PLEKHM2: variants seen among roughly 807,000 people sequenced by gnomAD.
PLEKHM2 encodes pleckstrin homology domain-containing family M member 2.
PLEKHM2 carries 77 observed loss-of-function variants against 116.3 expected under a neutral mutation model. The ratio of observed to expected loss-of-function variants is 0.66; its 90% CI spans 0.55 to 0.80. The LOEUF (loss-of-function observed/expected upper bound fraction) is 0.80, where lower values mean the gene tolerates loss of function less well. Among genes scored for constraint, PLEKHM2 ranks in the 30% least tolerant of loss-of-function variants. PLEKHM2 has a pLI of 0.00. For missense variants in PLEKHM2, 1,183 were observed against 1,354.9 expected (o/e 0.87, Z 1.99); for synonymous variants, 562 against 571.0 (o/e 0.98, Z 0.22).
At chr1:15,731,148 G>A (rs767033705) in intron 15 of PLEKHM2, 44 bp from the exon 16 acceptor site, 2 of 1,478,062 alleles carry the variant, frequency 1.4e-6, no homozygotes, top group South Asian at 1.2e-5. Flanking sequence ...CCTGGCCCCA[G>A]TTCCTGGGAC....
chr1:15,686,772 C>T (rs1640780218), intron 1 of PLEKHM2, among the ~76,000 whole-genome samples: 1 of 151,916 alleles, frequency 6.6e-6, no homozygotes. Context: ...CCTCAGCCTC[C>T]CAAGTAGCTG....
At chr1:15,699,017 T>C (rs1641058088) in intron 1 of PLEKHM2, among the ~76,000 whole-genome samples, 1 of 151,858 alleles carries the variant, frequency 6.6e-6, no homozygotes, top group South Asian at 2.1e-4. Context: ...GAACCTCAGG[T>C]GAAGGATTTT....
rs749482191 is a variant in PLEKHM2 at position 15,727,220 on chromosome 1, C to T, written c.1148C>T (p.Thr383Met). The T allele has an allele frequency of 1.4e-5, 22 of 1,605,792 alleles. No homozygotes were observed. The highest frequency in any genetic ancestry group is 7.8e-5 in the South Asian group (7 of 89,614). Residue 383 changes from threonine (T) to methionine (M), a missense_variant, in exon 9 of 20, where the codon ACG becomes ATG. Around this residue, in one of 3 missense-constraint regions of PLEKHM2, gnomAD observed 372 missense variants for 357.2 expected, o/e 1.04. Coordinates refer to ENST00000375799, the MANE Select transcript of PLEKHM2 (RefSeq NM_015164.4). This position sits in a 1 kb window ranked among gnomAD's most constrained non-coding sequence, Gnocchi z 7.5. ...GAGGGAGAGGGGCCGAGCAGCACCA[C>T]GGAGAGCAGCGAGCGCTCCGAGCCG... ...QEEGEGPSST[T>M]ESSERSEPGL...
chr1:15,693,110 G>A (rs545753988), intron 1 of PLEKHM2, among the ~76,000 whole-genome samples: 58 of 149,788 alleles, frequency 3.9e-4, no homozygotes, highest in African/African-American at 1.3e-3. Flanking sequence ...GCGCAATCTC[G>A]GCTCACTGCA....
intron 1 of PLEKHM2, among the ~76,000 whole-genome samples, chr1:15,690,309 A>G (rs939925935): frequency 3.3e-5 from 5 of 152,110 alleles, no homozygotes; most frequent in South Asian, 4.2e-4. Flanking sequence ...CCAGTAATAC[A>G]CCCACCTTGG....
chr1:15,698,540 T>A (rs1641045398), intron 1 of PLEKHM2, among the ~76,000 whole-genome samples: 1 of 133,702 alleles, frequency 7.5e-6, no homozygotes, highest in Non-Finnish European at 1.5e-5. Flanking sequence ...TTTCTTTCTT[T>A]CTTTCTTTCT....
chr1:15,724,528 C>T (rs1035756080), intron 7 of PLEKHM2, among the ~76,000 whole-genome samples: 1 of 151,688 alleles, frequency 6.6e-6, no homozygotes, highest in Non-Finnish European at 1.5e-5. Flanking sequence ...ACCACCCTTG[C>T]AGGGGCACCT....
At chr1:15,687,394 T>G (rs1640795820) in intron 1 of PLEKHM2, among the ~76,000 whole-genome samples, 1 of 151,864 alleles carries the variant, frequency 6.6e-6, no homozygotes, top group African/African-American at 2.4e-5. Flanking sequence ...CAGGATGGTC[T>G]CGATCTCCTG....
chr1:15,710,921 TC>T (rs1394322420), intron 1 of PLEKHM2, among the ~76,000 whole-genome samples: 1 of 151,994 alleles, frequency 6.6e-6, no homozygotes, highest in Non-Finnish European at 1.5e-5. Flanking sequence ...ATGCCTGTAA[TC>T]CCAACACTTT....
At position 15,728,019 on chromosome 1, in the gene PLEKHM2, G is replaced by A; in HGVS notation, c.1761-60G>A. The A allele has an allele frequency of 7.1e-7, 1 of 1,411,150 alleles. No homozygotes were observed. The highest frequency in any genetic ancestry group is 9.9e-7 in the Non-Finnish European group (1 of 1,012,558). 87.4% of individuals were successfully genotyped at this position (1,411,150 alleles called of 1,614,324 possible). On this transcript the variant is annotated intron_variant, in intron 9 of 19. Transcript: ENST00000375799. The surrounding 1 kb of genome is among the most constrained non-coding windows in gnomAD (Gnocchi z 5.9). Reference sequence around the variant, plus strand: ...CACTACCCCCTGGCTCTGGGGTGGGGTGTGGCCTCTCTCACCGCTGCCTGC... The same window carrying A: ...CACTACCCCCTGGCTCTGGGGTGGGATGTGGCCTCTCTCACCGCTGCCTGC...
Position 15,718,422 on chromosome 1 carries a change from C to T in PLEKHM2, c.378-116C>T, listed in dbSNP as rs556609939. 4.5e-4 allele frequency: 308 copies of T among 680,894 alleles called. No individual in the cohort carries two copies. In the South Asian group the frequency reaches 4.9e-3, roughly 11 times the overall value. The allele number at this position is 680,894 out of a possible 1,614,324, so 42.2% of individuals were successfully genotyped here. Reference sequence around the variant, plus strand: ...GCAACAGCTATATCAAGCTGGGTGCCGTCCAAGGTGGAGGACATCACGTGT... The same window carrying T: ...GCAACAGCTATATCAAGCTGGGTGCTGTCCAAGGTGGAGGACATCACGTGT... On this transcript the variant is annotated intron_variant, in intron 4 of 19. Coordinates refer to ENST00000375799, the MANE Select transcript of PLEKHM2 (RefSeq NM_015164.4).
chr1:15,713,972 C>T (rs1571047572), intron 1 of PLEKHM2, among the ~76,000 whole-genome samples: 2 of 112,592 alleles, frequency 1.8e-5, no homozygotes, highest in East Asian at 2.7e-4. Flanking sequence ...GACAGAGTCT[C>T]ACTCTGCTGC....
In PLEKHM2 at chr1:15,697,242, C is replaced by T. The variant is rs143590428; in HGVS notation, c.60+12624C>T. ...CAGGGTCTCTGCCAGCTCCTGCTTC[C>T]GTCCCAGCAGTAGAAGAATGGAGTA... On this transcript the variant is annotated intron_variant, in intron 1 of 19. Coordinates refer to ENST00000375799, the MANE Select transcript of PLEKHM2 (RefSeq NM_015164.4). 2.2e-3 allele frequency among the ~76,000 whole-genome samples: 336 copies of T among 152,338 alleles called. 1 individual carries two copies. The highest frequency in any genetic ancestry group is 6.9e-3 in the African/African-American group (287 of 41,586).
Position 15,684,525 on chromosome 1 carries a change from T to TGGC in PLEKHM2, c.-31_-29dup. ...AGCGGCGGCGGGGCGGCGGCGGCGG[T>TGGC]GGCGGTGGCGGTGGCGGCGACGGTG... On this transcript the variant is annotated 5_prime_UTR_variant, in exon 1 of 20. Coordinates refer to ENST00000375799, the MANE Select transcript of PLEKHM2 (RefSeq NM_015164.4). The TGGC allele has an allele frequency of 1.3e-6, 1 of 752,886 alleles. No individual in the cohort carries two copies. Among genetic ancestry groups the TGGC allele is most frequent in the Non-Finnish European group, 1.7e-6 (1 of 598,650 alleles). 46.6% of individuals were successfully genotyped at this position (752,886 alleles called of 1,614,324 possible). A position where few individuals can be genotyped will look rare whatever the true frequency, so the allele number is the denominator to read the frequency against.
Position 15,728,565 on chromosome 1 carries a change from C to T in PLEKHM2, c.1922-104C>T. 8.9e-7 allele frequency: 1 copy of T among 1,117,518 alleles called. No homozygotes were observed. The highest frequency in any genetic ancestry group is 1.3e-6 in the Non-Finnish European group (1 of 756,204). The allele number at this position is 1,117,518 out of a possible 1,614,324, so 69.2% of individuals were successfully genotyped here. On this transcript the variant is annotated intron_variant, in intron 11 of 19. Transcript: ENST00000375799. The surrounding 1 kb of genome is among the most constrained non-coding windows in gnomAD (Gnocchi z 5.9). ...TCCACGCCATTCTCCTACTGCAGGG[C>T]AAGGAGAGGCCCTCTAAGAGAGGGG... is the stretch of plus-strand genomic sequence containing the variant.
chr1:15,734,203 G>C lies in PLEKHM2; in HGVS notation c.*269G>C, dbSNP rs181429747. ...AGCCCTGTGGGCTCTGCGGATGCAC[G>C]CCCTCCTCCCGGGCCTCCGCCTCAG... On this transcript the variant is annotated 3_prime_UTR_variant, in exon 20 of 20. Coordinates refer to ENST00000375799, the MANE Select transcript of PLEKHM2 (RefSeq NM_015164.4). The C allele has an allele frequency of 6.4e-5, 29 of 456,298 alleles. No individual in the cohort carries two copies. The East Asian group carries it at 9.7e-4, about 15-fold the overall frequency. 28.3% of individuals were successfully genotyped at this position (456,298 alleles called of 1,614,324 possible).
chr1:15,719,679 G>A lies in PLEKHM2; in HGVS notation c.466-55G>A. ...CCAGGCCTGGATCCTGCTGTCTGCA[G>A]AAGGCCGCTGCACGAGGCCTCCCAC... On this transcript the variant is annotated intron_variant, in intron 5 of 19. Transcript: ENST00000375799. The surrounding 1 kb of genome is among the most constrained non-coding windows in gnomAD (Gnocchi z 4.1). 1 of 1,279,460 alleles carries A rather than the reference G, an allele frequency of 7.8e-7. No individual in the cohort carries two copies. Among genetic ancestry groups the A allele is most frequent in the Non-Finnish European group, 1.1e-6 (1 of 889,014 alleles). The allele number at this position is 1,279,460 out of a possible 1,614,324, so 79.3% of individuals were successfully genotyped here. A position where few individuals can be genotyped will look rare whatever the true frequency, so the allele number is the denominator to read the frequency against.
chr1:15,721,411 C>T lies in PLEKHM2; in HGVS notation c.712+23C>T, dbSNP rs184985321. ...AAGGTGGGCCAGAGTCCGCTGTTACCCTCTTTTCCTGTTTTGCAATGTTTC... is the reference window on the plus strand; with the variant it reads ...AAGGTGGGCCAGAGTCCGCTGTTACTCTCTTTTCCTGTTTTGCAATGTTTC... On this transcript the variant is annotated intron_variant, in intron 7 of 19. Coordinates refer to ENST00000375799, the MANE Select transcript of PLEKHM2 (RefSeq NM_015164.4). The surrounding 1 kb of genome is among the most constrained non-coding windows in gnomAD (Gnocchi z 5.1). 70 of 1,494,056 alleles carry T rather than the reference C, an allele frequency of 4.7e-5. No homozygotes were observed. The African/African-American group carries it at 8.7e-4, about 19-fold the overall frequency. 92.5% of individuals were successfully genotyped at this position (1,494,056 alleles called of 1,614,324 possible). A position where few individuals can be genotyped will look rare whatever the true frequency, so the allele number is the denominator to read the frequency against.
Position 15,684,597 on chromosome 1 carries a change from C to T in PLEKHM2, c.39C>T (p.Asn13=). The stretch of plus-strand genomic sequence containing the variant: ...AGGTGAAGGACCGGATCCTGGAGAA[C>T]ATCTCGCTGTCGGTGAAGAAGGTGA... The part of the protein sequence containing the change: ...PGEVKDRILE[N]ISLSVKKLQS... Residue 13 remains asparagine, a synonymous_variant, in exon 1 of 20, where the codon AAC becomes AAT. Coordinates refer to ENST00000375799, the MANE Select transcript of PLEKHM2 (RefSeq NM_015164.4). The T allele has an allele frequency of 7.6e-7, 1 of 1,313,726 alleles. No individual in the cohort carries two copies. Among genetic ancestry groups the T allele is most frequent in the Non-Finnish European group, 9.8e-7 (1 of 1,019,056 alleles). 81.4% of individuals were successfully genotyped at this position (1,313,726 alleles called of 1,614,324 possible). A position where few individuals can be genotyped will look rare whatever the true frequency, so the allele number is the denominator to read the frequency against.
Sources: gnomAD v4.1 joint callset for allele counts (sites outside exome capture counted in the v4.1 genomes callset) on GRCh38, gnomAD v4.1.1 for gene constraint, gnomAD v4.1.1 regional missense constraint, Gnocchi (gnomAD v3.1) non-coding constraint, MANE v1.5 for transcripts, NCBI Gene and HGNC (gene_info 2026-07-23, HGNC 2026-07-21) for gene names.